Variants in DYM observed in about 807,000 individuals in gnomAD.
The protein encoded by DYM is dyggve-Melchior-Clausen syndrome protein.
Under a neutral mutation model 93.1 loss-of-function variants are expected in DYM, and 78 were observed. That is an observed-to-expected ratio of 0.84 (90% confidence interval 0.70 to 1.01). DYM has a LOEUF of 1.01. Among genes scored for constraint, DYM ranks in the 50% least tolerant of loss-of-function variants. The pLI is 0.00. For missense variants in DYM, 789 were observed against 845.0 expected (o/e 0.93, Z 0.82); for synonymous variants, 321 against 319.7 (o/e 1.00, Z -0.04).
chr18:49,331,934 T>C lies in DYM; in HGVS notation c.693A>G (p.Pro231=), dbSNP rs780158090. The C allele has an allele frequency of 6.2e-7, 1 of 1,613,616 alleles. No homozygotes were observed. Residue 231 remains proline (P), a synonymous_variant, in exon 8 of 18, where the codon CCA becomes CCG. Coordinates refer to ENST00000675505, the MANE Select transcript of DYM (RefSeq NM_001353214.3). ...ACTGCTGAGGGAAAACATGGGCCCC[T>C]GGAGGAGGTGGCTTTTCTTGTCTGA... ...NFIRQEKPPP[P]GAHVFPQQSD... is the part of the protein sequence containing the mutation.
At chr18:49,206,985 C>A (rs377632908) in intron 14 of DYM, among the ~76,000 whole-genome samples, 1 of 152,200 alleles carries the variant, frequency 6.6e-6, no homozygotes, top group Non-Finnish European at 1.5e-5. Flanking sequence ...GGGAAGGAGG[C>A]TCAGGAATTG....
At chr18:49,344,370 T>C (rs548433548) in intron 6 of DYM, among the ~76,000 whole-genome samples, 1 of 152,196 alleles carries the variant, frequency 6.6e-6, no homozygotes, top group African/African-American at 2.4e-5. Context: ...TATTCATAAC[T>C]CAAGACTTTG....
chr18:49,067,324 T>G (rs1599485636), intron 17 of DYM, among the ~76,000 whole-genome samples: 1 of 82,234 alleles, frequency 1.2e-5, no homozygotes, highest in African/African-American at 4.8e-5. Context: ...AGGAGTGGGG[T>G]GATGTGTTAT....
At chr18:49,431,041 T>C (rs2080278605) in intron 1 of DYM, among the ~76,000 whole-genome samples, 2 of 152,302 alleles carry the variant, frequency 1.3e-5, no homozygotes, top group South Asian at 2.1e-4. Context: ...TGGTAACTTA[T>C]AATTAGTCTG....
intron 2 of DYM, among the ~76,000 whole-genome samples, chr18:49,421,216 C>A (rs2073663442): frequency 6.6e-6 from 1 of 152,218 alleles, no homozygotes; most frequent in Admixed American, 6.5e-5. Context: ...GGGTCCCTGA[C>A]CCCTGAGTAG....
At chr18:49,287,686 T>C (rs2059751828) in intron 8 of DYM, among the ~76,000 whole-genome samples, 1 of 151,642 alleles carries the variant, frequency 6.6e-6, no homozygotes, top group South Asian at 2.1e-4. Flanking sequence ...CTACTAAAAA[T>C]ACAAAAAAAT....
chr18:49,410,353 C>G (rs2072089871), intron 2 of DYM, among the ~76,000 whole-genome samples: 1 of 151,954 alleles, frequency 6.6e-6, no homozygotes, highest in African/African-American at 2.4e-5. Context: ...AGCCACAGTA[C>G]CCAGTCACTG....
intron 8 of DYM, among the ~76,000 whole-genome samples, chr18:49,308,591 C>T (rs77485101): frequency 0.016 from 2,454 of 152,264 alleles, 28 homozygotes; most frequent in Non-Finnish European, 0.024. Flanking sequence ...ATGTCTGTTG[C>T]TTTCATTTCC....
intron 2 of DYM, chr18:49,418,059 T>G (rs963696462): frequency 1.4e-4 from 6 of 42,682 alleles, no homozygotes; most frequent in African/African-American, 1.0e-4. Flanking sequence ...AAACTCTGTC[T>G]GAAAAAAAAA....
At chr18:49,373,247 A>G (rs77701333) in intron 5 of DYM, among the ~76,000 whole-genome samples, 13,873 of 152,180 alleles carry the variant, frequency 0.091, 858 homozygotes, top group East Asian at 0.31. Context: ...CTAGTCCGCA[A>G]TGCAAAGTGA....
At chr18:49,394,651 CGATACGTAACAAGG>C (rs1465428911) in intron 2 of DYM, among the ~76,000 whole-genome samples, 2 of 152,072 alleles carry the variant, frequency 1.3e-5, no homozygotes, top group African/African-American at 2.4e-5. Context: ...TTTATTCTTC[CGATACGTAACAAGG>C]GATATTCTTT....
In DYM at chr18:49,318,571, G is replaced by A. The variant is rs575453208; in HGVS notation, c.763+13293C>T. ...AGGGAGTCAGAGGTTGTAGTGAGCC[G>A]AGATGGCGCCGCTGCACTCCAGCCT... is the stretch of plus-strand genomic sequence containing the variant. On this transcript the variant is annotated intron_variant, in intron 8 of 17. Transcript: ENST00000675505. Among the ~76,000 whole-genome samples, 20 of 152,076 alleles carry A rather than the reference G, an allele frequency of 1.3e-4. No individual in the cohort carries two copies. In the East Asian group the frequency reaches 1.9e-3, roughly 15 times the overall value.
intron 1 of DYM, chr18:49,431,774 T>A (rs1344268697): frequency 6.6e-6 from 1 of 152,104 alleles, no homozygotes; most frequent in Non-Finnish European, 1.5e-5. Context: ...CGGTCAGAAT[T>A]TGGGAGCTGG....
At chr18:49,327,814 C>T (rs1250044421) in intron 8 of DYM, among the ~76,000 whole-genome samples, 9 of 152,192 alleles carry the variant, frequency 5.9e-5, no homozygotes, top group Non-Finnish European at 1.5e-5. Context: ...GAGTTCACAT[C>T]TATCTTGAGT....
At chr18:49,391,964 T>C (rs146248731) in intron 2 of DYM, among the ~76,000 whole-genome samples, 1 of 152,206 alleles carries the variant, frequency 6.6e-6, no homozygotes, top group African/African-American at 2.4e-5. Context: ...GCAAGGGCCC[T>C]GTGTGCCCAA....
chr18:49,355,985 C>T (rs1403955595), intron 6 of DYM, among the ~76,000 whole-genome samples: 1 of 152,058 alleles, frequency 6.6e-6, no homozygotes, highest in Non-Finnish European at 1.5e-5. Flanking sequence ...TCATTATAAG[C>T]CTCTGTGCAA....
intron 1 of DYM, among the ~76,000 whole-genome samples, chr18:49,437,480 G>A (rs1306934987): frequency 2.0e-5 from 3 of 152,038 alleles, no homozygotes; most frequent in African/African-American, 4.8e-5. Context: ...AAAAATAAAT[G>A]TCATTCTCCA....
intron 15 of DYM, among the ~76,000 whole-genome samples, chr18:49,149,970 G>C (rs1357408409): frequency 3.3e-5 from 5 of 152,138 alleles, no homozygotes; most frequent in African/African-American, 1.2e-4. Context: ...GTCTCCCAAA[G>C]TGCTGGGATT....
intron 13 of DYM, among the ~76,000 whole-genome samples, chr18:49,211,469 C>G (rs1026650989): frequency 7.2e-5 from 11 of 152,262 alleles, no homozygotes; most frequent in Admixed American, 4.6e-4. Context: ...GTCTGAAGAA[C>G]TACATCAAAA....
Sources: gnomAD v4.1 joint callset for allele counts (sites outside exome capture counted in the v4.1 genomes callset) on GRCh38, gnomAD v4.1.1 for gene constraint, MANE v1.5 for transcripts, NCBI Gene and HGNC (gene_info 2026-07-23, HGNC 2026-07-21) for gene names.